The following DPH6 variants were observed in gnomAD, a reference collection of about 807,000 sequenced individuals.
DPH6 encodes the protein diphthamine biosynthesis 6.
DPH6 carries 33 observed loss-of-function variants against 38.2 expected under a neutral mutation model. The observed-to-expected ratio is 0.86, with a 90% CI of 0.65 to 1.15. The LOEUF (loss-of-function observed/expected upper bound fraction) is 1.15. Ranked by LOEUF, DPH6 falls within the 50% of genes most tolerant of loss-of-function variation. The pLI, the probability that DPH6 is intolerant of heterozygous loss-of-function variation, is 0.00. For missense variants in DPH6, 325 were observed against 320.0 expected (o/e 1.02, Z -0.12); for synonymous variants, 108 against 103.0 (o/e 1.05, Z -0.30).
At chr15:35,337,920 A>T (rs1017288285) in intron 3 of DPH6, among the ~76,000 whole-genome samples, 18 of 152,020 alleles carry the variant, frequency 1.2e-4, no homozygotes, top group African/African-American at 4.4e-4. Context: ...TGAGAAAAAC[A>T]AGCAATGGGG....
chr15:35,364,829 T>C (rs1439914183), intron 3 of DPH6, among the ~76,000 whole-genome samples: 1 of 152,028 alleles, frequency 6.6e-6, no homozygotes, highest in African/African-American at 2.4e-5. Context: ...TTTGGGAGGC[T>C]CTTAGCTACT....
chr15:35,506,419 T>TTAAATTAAGTCAACTTAA lies in DPH6; in HGVS notation c.312+31854_312+31855insTTAAGTTGACTTAATTTA, dbSNP rs539337622. Among the ~76,000 whole-genome samples the TTAAATTAAGTCAACTTAA allele has an allele frequency of 2.0e-5, 3 of 152,256 alleles. No homozygotes were observed. In the South Asian group the frequency reaches 6.2e-4, roughly 32 times the overall value. On this transcript the variant is annotated intron_variant, in intron 3 of 8. Transcript: ENST00000256538. ...TTACAACTTTGTAATTTAAGTCAAC[T>TTAAATTAAGTCAACTTAA]GTAAAGATTTCTGGGGAAGGGAAAC...
rs543613113 is a variant in DPH6 at position 35,416,153 on chromosome 15, C to A, written c.506-5257G>T. 3.3e-5 allele frequency among the ~76,000 whole-genome samples: 5 copies of A among 151,868 alleles called. No homozygotes were observed. The South Asian group carries it at 6.2e-4, about 19-fold the overall frequency. On this transcript the variant is annotated intron_variant, in intron 5 of 8. Transcript: ENST00000256538. ...GATAGCTGATTAGCTGGAAAAAAAT[C>A]AAAAAAATCTCATAGTGTTAGAGAG...
At chr15:35,179,532 CATT>C in the DPH6 span, among the ~76,000 whole-genome samples, 2 of 152,038 alleles carry the variant, frequency 1.3e-5, no homozygotes, top group South Asian at 2.1e-4. Context: ...AAAAATAAAA[CATT>C]ATGTGGGAGA....
At chr15:35,524,439 T>C (rs1345199334) in intron 3 of DPH6, among the ~76,000 whole-genome samples, 1 of 152,160 alleles carries the variant, frequency 6.6e-6, no homozygotes, top group Non-Finnish European at 1.5e-5. Context: ...TCAAACCATA[T>C]GCCTTCCCCT....
intron 3 of DPH6, among the ~76,000 whole-genome samples, chr15:35,279,374 A>T (rs1054887897): frequency 6.6e-6 from 1 of 152,074 alleles, no homozygotes; most frequent in African/African-American, 2.4e-5. Flanking sequence ...GCATGTAAGG[A>T]CATGAGATTT....
At chr15:35,457,706 A>T (rs1595381887) in intron 3 of DPH6, among the ~76,000 whole-genome samples, 1 of 152,352 alleles carries the variant, frequency 6.6e-6, no homozygotes, top group East Asian at 1.9e-4. Flanking sequence ...TATAAAGTGA[A>T]GACAAAAAAT....
At chr15:35,177,416 A>T in the DPH6 span, among the ~76,000 whole-genome samples, 1 of 137,670 alleles carries the variant, frequency 7.3e-6, no homozygotes, top group Non-Finnish European at 1.6e-5. Flanking sequence ...CTCTCTACAA[A>T]AATAATAATA....
At chr15:35,481,222 G>A (rs531146507) in intron 3 of DPH6, among the ~76,000 whole-genome samples, 1 of 152,202 alleles carries the variant, frequency 6.6e-6, no homozygotes, top group African/African-American at 2.4e-5. Context: ...GCATTCTACA[G>A]CAGAGCTTTA....
chr15:35,237,470 G>A (rs920371640), intron 3 of DPH6: 1 of 1,592,004 alleles, frequency 6.3e-7, no homozygotes, highest in East Asian at 2.2e-5. Flanking sequence ...ATTCTTCAGT[G>A]CAACCAACGT....
At chr15:35,163,428 C>T in the DPH6 span, among the ~76,000 whole-genome samples, 1 of 151,792 alleles carries the variant, frequency 6.6e-6, no homozygotes, top group Non-Finnish European at 1.5e-5. Flanking sequence ...GATGCCATCC[C>T]TGAAACAAAA....
At position 35,450,667 on chromosome 15, in the gene DPH6, G is replaced by T; in HGVS notation, c.505+18C>A. 6.3e-7 allele frequency: 1 copy of T among 1,594,300 alleles called. No homozygotes were observed. The highest frequency in any genetic ancestry group is 8.6e-7 in the Non-Finnish European group (1 of 1,163,124). ...CTATGTGGCAACAAACAGCTCCCTT[G>T]ATAGTTTGGCTGCATACCCAAAGCT... On this transcript the variant is annotated intron_variant, in intron 5 of 8. Transcript: ENST00000256538.
intron 3 of DPH6, among the ~76,000 whole-genome samples, chr15:35,473,912 CAGTGTG>C (rs1185911973): frequency 5.1e-5 from 6 of 117,866 alleles, no homozygotes; most frequent in African/African-American, 1.9e-4. Context: ...ACACTGTGCA[CAGTGTG>C]TGTGTGTGTG....
chr15:35,423,274 T>C lies in DPH6; in HGVS notation c.506-12378A>G, dbSNP rs547200794. 1.6e-4 allele frequency among the ~76,000 whole-genome samples: 24 copies of C among 152,010 alleles called. No individual in the cohort carries two copies. The South Asian group carries it at 1.7e-3, about 10-fold the overall frequency. ...ACGTGATACCTCATTGTGGTTTTGATTGGCATTTCCCTGATGATTAGTGAA... is the reference window on the plus strand; with the variant it reads ...ACGTGATACCTCATTGTGGTTTTGACTGGCATTTCCCTGATGATTAGTGAA... On this transcript the variant is annotated intron_variant, in intron 5 of 8. Transcript: ENST00000256538.
chr15:35,146,069 CTGTGTGTGTGTGTGTGTG>C, the DPH6 span, among the ~76,000 whole-genome samples: 21 of 147,194 alleles, frequency 1.4e-4, no homozygotes, highest in Admixed American at 2.0e-4. Context: ...CTTATAGTTT[CTGTGTGTGTGTGTGTGTG>C]TGTGTGTGTG....
intron 3 of DPH6, among the ~76,000 whole-genome samples, chr15:35,255,340 A>C (rs902920982): frequency 2.6e-5 from 4 of 152,220 alleles, no homozygotes; most frequent in Non-Finnish European, 5.9e-5. Flanking sequence ...AAAATCTTCA[A>C]CCATCCATTG....
chr15:35,436,338 C>G (rs1179427769), intron 5 of DPH6, among the ~76,000 whole-genome samples: 3 of 151,350 alleles, frequency 2.0e-5, no homozygotes, highest in African/African-American at 4.9e-5. Context: ...TGGTGGTGGG[C>G]GCCTGTACTC....
chr15:35,391,735 T>C (rs1595524785), intron 6 of DPH6, among the ~76,000 whole-genome samples: 1 of 152,172 alleles, frequency 6.6e-6, no homozygotes, highest in Non-Finnish European at 1.5e-5. Flanking sequence ...CCAGGTGCCG[T>C]CTGTCACCCT....
chr15:35,214,605 C>T (rs533740837), downstream of DPH6, among the ~76,000 whole-genome samples: 33 of 152,138 alleles, frequency 2.2e-4, 3 homozygotes, highest in South Asian at 5.8e-3. Flanking sequence ...ATCTGAATCA[C>T]GGATAAAACT....
Sources: allele counts gnomAD v4.1 joint callset (sites outside exome capture counted in the v4.1 genomes callset), GRCh38; gene constraint gnomAD v4.1.1; transcripts MANE v1.5; gene names NCBI Gene and HGNC (gene_info 2026-07-23, HGNC 2026-07-21).